The following OSBPL9 variants were observed in gnomAD, a reference collection of about 807,000 sequenced individuals.
OSBPL9 encodes oxysterol binding protein like 9.
OSBPL9 carries 40 observed loss-of-function variants against 106.6 expected under a neutral mutation model. That is an observed-to-expected ratio of 0.38 (90% CI 0.29 to 0.49). OSBPL9 has a LOEUF of 0.49. Among genes scored for constraint, OSBPL9 ranks in the 20% least tolerant of loss-of-function variants. OSBPL9 has a pLI of 0.97. For missense variants in OSBPL9, 609 were observed against 887.2 expected (o/e 0.69, Z 3.98); for synonymous variants, 269 against 295.4 (o/e 0.91, Z 0.92).
intron 2 of OSBPL9, among the ~76,000 whole-genome samples, chr1:51,662,882 C>T (rs1335191415): frequency 6.6e-6 from 1 of 151,592 alleles, no homozygotes; most frequent in Non-Finnish European, 1.5e-5. Context: ...GTAGCTAGGA[C>T]TACAGGCGCC....
chr1:51,756,616 A>G (rs1670393691), intron 9 of OSBPL9: 2 of 408,878 alleles, frequency 4.9e-6, no homozygotes, highest in South Asian at 7.8e-5. Flanking sequence ...TAATCATGGT[A>G]TGAATACTCA....
At chr1:51,772,834 T>C in intron 14 of OSBPL9, 111 bp downstream of exon 14, 2 of 767,976 alleles carry the variant, frequency 2.6e-6, no homozygotes, top group Non-Finnish European at 4.6e-6. Flanking sequence ...TTTATACCTG[T>C]GTCTTCTTGT....
Position 51,776,970 on chromosome 1 carries a change from CT to C in OSBPL9, c.1256+55del, listed in dbSNP as rs757442416. ...AACGTTTACAGATGTTACTCAGCAG[CT>C]TTCTGCCTTTTATTTTGCAGGATAG... On this transcript the variant is annotated intron_variant, in intron 15 of 23. Coordinates refer to ENST00000428468, the MANE Select transcript of OSBPL9 (RefSeq NM_024586.6). 6 of 1,360,972 alleles carry C rather than the reference CT, an allele frequency of 4.4e-6. No homozygotes were observed. In the African/African-American group the frequency reaches 8.6e-5, roughly 20 times the overall value. 84.3% of individuals were successfully genotyped at this position (1,360,972 alleles called of 1,614,324 possible).
At chr1:51,563,351 A>C in the OSBPL9 span, among the ~76,000 whole-genome samples, 2 of 152,142 alleles carry the variant, frequency 1.3e-5, no homozygotes, top group South Asian at 2.1e-4. Context: ...TTTTGACCAC[A>C]TTCCTGTGAC....
At chr1:51,639,306 A>G (rs1335151604) in intron 1 of OSBPL9, among the ~76,000 whole-genome samples, 1 of 152,150 alleles carries the variant, frequency 6.6e-6, no homozygotes, top group African/African-American at 2.4e-5. Flanking sequence ...CCAGTAGTAG[A>G]TGGTCGAAGG....
At chr1:51,714,250 T>A (rs746699503) in intron 4 of OSBPL9, among the ~76,000 whole-genome samples, 171 bp downstream of exon 4, 26 of 152,176 alleles carry the variant, frequency 1.7e-4, no homozygotes, top group Non-Finnish European at 3.2e-4. Context: ...TCATTTATTT[T>A]CTCCTGCTTT....
At chr1:51,540,695 C>T in the OSBPL9 span, among the ~76,000 whole-genome samples, 1 of 149,638 alleles carries the variant, frequency 6.7e-6, no homozygotes, top group Non-Finnish European at 1.5e-5. Context: ...TGTGGTGGCT[C>T]ACGCCTGTAA....
chr1:51,756,189 T>G, intron 8 of OSBPL9, 131 bp from the exon 9 acceptor site: 1 of 722,940 alleles, frequency 1.4e-6, no homozygotes, highest in Non-Finnish European at 2.3e-6. Flanking sequence ...AATTAAAATC[T>G]TAGTGGAGGC....
intron 1 of OSBPL9, among the ~76,000 whole-genome samples, chr1:51,641,116 T>G (rs1645768113): frequency 6.6e-6 from 1 of 152,118 alleles, no homozygotes; most frequent in Admixed American, 6.5e-5. Flanking sequence ...GACTGACATT[T>G]AGCTAAATAG....
At chr1:51,581,611 C>T (rs1645221909) in intron 1 of OSBPL9, among the ~76,000 whole-genome samples, 2 of 152,106 alleles carry the variant, frequency 1.3e-5, no homozygotes, top group Non-Finnish European at 2.9e-5. Flanking sequence ...TTTACTCAGT[C>T]ATTTCTTTAT....
chr1:51,683,111 A>G (rs1042533118), intron 3 of OSBPL9, among the ~76,000 whole-genome samples: 4 of 151,762 alleles, frequency 2.6e-5, no homozygotes, highest in African/African-American at 9.7e-5. Flanking sequence ...TCCTGACCTC[A>G]TGATCCGCCC....
At chr1:51,562,239 C>A in the OSBPL9 span, among the ~76,000 whole-genome samples, 1 of 151,998 alleles carries the variant, frequency 6.6e-6, no homozygotes, top group East Asian at 1.9e-4. Context: ...AGCACGATCC[C>A]CCCTTGGTAC....
intron 1 of OSBPL9, among the ~76,000 whole-genome samples, chr1:51,584,671 G>A (rs1424017518): frequency 7.2e-5 from 11 of 152,244 alleles, no homozygotes; most frequent in Non-Finnish European, 1.6e-4. Flanking sequence ...AGCCGAGATC[G>A]CGCCATTGCA....
Position 51,745,630 on chromosome 1 carries a change from A to G in OSBPL9, c.413A>G (p.Lys138Arg), listed in dbSNP as rs767005320. 1.9e-6 allele frequency: 3 copies of G among 1,572,634 alleles called. No individual in the cohort carries two copies. The African/African-American group carries it at 4.1e-5, about 22-fold the overall frequency. Reference protein sequence around the residue: ...AYLQILIEQLKLFDDKLQNCK... With the variant: ...AYLQILIEQLRLFDDKLQNCK... ...CTACAAATCTTGATTGAACAATTAA[A>G]GGTATGGCATTAGTTTGTATATTAA... The change falls in exon 5 of 24, where the codon AAG (lysine) becomes AGG (arginine). Residue 138 changes from lysine (K) to arginine (R), a missense_variant and splice_region_variant. Lys to Arg is a conservative substitution (Grantham distance 26). This residue lies in a region of OSBPL9 where 356 missense variants were observed against 505.8 expected (regional missense o/e 0.70). Transcript: ENST00000428468.
chr1:51,786,089 T>C (rs1348543832), intron 21 of OSBPL9: 1 of 557,088 alleles, frequency 1.8e-6, no homozygotes, highest in Non-Finnish European at 3.1e-6. Flanking sequence ...CCCAGCAGTA[T>C]AGGTAATTAT....
intron 3 of OSBPL9, among the ~76,000 whole-genome samples, chr1:51,694,929 C>T (rs1015262735): frequency 1.4e-4 from 22 of 152,028 alleles, no homozygotes; most frequent in African/African-American, 5.1e-4. Flanking sequence ...CATTCATTTT[C>T]GGGGAAATGT....
At chr1:51,624,587 AAAAT>A (rs1415912070) in intron 1 of OSBPL9, among the ~76,000 whole-genome samples, 2 of 152,066 alleles carry the variant, frequency 1.3e-5, no homozygotes, top group Admixed American at 6.5e-5. Flanking sequence ...TCTGTCTCAA[AAAAT>A]AAATAAATAA....
At chr1:51,528,334 AC>A in the OSBPL9 span, among the ~76,000 whole-genome samples, 1 of 152,218 alleles carries the variant, frequency 6.6e-6, no homozygotes, top group African/African-American at 2.4e-5. Context: ...GCAAGATACA[AC>A]ATTAATATAC....
rs377715679 is a variant in OSBPL9, at chr1:51,788,766, A to AATATAG, written c.*980_*981insTAGATA. Among the ~76,000 whole-genome samples, 5 of 152,136 alleles carry AATATAG rather than the reference A, an allele frequency of 3.3e-5. No homozygotes were observed. The highest frequency in any genetic ancestry group is 9.7e-5 in the African/African-American group (4 of 41,434). ...AGATCCCCACCCCACAGTGAACAAA[A>AATATAG]ATAGATAGATAGATAGAATAAAATG... On this transcript the variant is annotated 3_prime_UTR_variant, in exon 24 of 24. Transcript: ENST00000428468.
Sources: gnomAD v4.1 joint callset for allele counts (sites outside exome capture counted in the v4.1 genomes callset) on GRCh38, gnomAD v4.1.1 for gene constraint, gnomAD v4.1.1 regional missense constraint, MANE v1.5 for transcripts, NCBI Gene and HGNC (gene_info 2026-07-23, HGNC 2026-07-21) for gene names.